STXBP5L: variants seen among roughly 807,000 people sequenced by gnomAD.
STXBP5L encodes syntaxin-binding protein 5-like.
In STXBP5L, 65 loss-of-function variants were observed where a neutral mutation model predicts 144.5. That is an observed-to-expected ratio of 0.45 (90% CI 0.37 to 0.55). The LOEUF is 0.55. Among genes scored for constraint, STXBP5L ranks in the 20% least tolerant of loss-of-function variants. The pLI is 0.00. For synonymous variants in STXBP5L, 505 were observed against 469.6 expected (o/e 1.08, Z -0.97); for missense variants, 1,298 against 1,405.5 (o/e 0.92, Z 1.22).
chr3:121,191,347 G>A (rs1017152565), intron 9 of STXBP5L, among the ~76,000 whole-genome samples: 12 of 152,300 alleles, frequency 7.9e-5, no homozygotes, highest in South Asian at 2.1e-4. Flanking sequence ...AGACCAGCCC[G>A]GCCAACACGG....
rs895606035 is a variant in STXBP5L at position 121,421,422 on chromosome 3, C to T, written c.*2325C>T. ...TGTATTGTAGGATGTTAGCAACATC[C>T]CTGGCCTCTGTCTACTAGATGCCAG... On this transcript the variant is annotated 3_prime_UTR_variant, in exon 27 of 27. Transcript: ENST00000471454. 2.6e-5 allele frequency: 4 copies of T among 151,952 alleles called. No homozygotes were observed. The highest frequency in any genetic ancestry group is 1.3e-4 in the Admixed American group (2 of 15,236). The allele number at this position is 151,952 out of a possible 1,614,324, so 9.4% of individuals were successfully genotyped here. A position where few individuals can be genotyped will look rare whatever the true frequency, so the allele number is the denominator to read the frequency against.
intron 9 of STXBP5L, among the ~76,000 whole-genome samples, chr3:121,190,074 A>T (rs2047578010): frequency 1.3e-5 from 2 of 151,088 alleles, no homozygotes; most frequent in African/African-American, 4.9e-5. Context: ...TTTTTTTAGT[A>T]TTTATTGATC....
intron 7 of STXBP5L, among the ~76,000 whole-genome samples, chr3:121,130,996 G>A (rs1415582121): frequency 2.6e-5 from 4 of 151,856 alleles, no homozygotes; most frequent in Admixed American, 6.6e-5. Flanking sequence ...CTAGAAAAAC[G>A]ATTAAGAAAA....
chr3:121,122,154 A>G (rs1213996844), intron 7 of STXBP5L, among the ~76,000 whole-genome samples: 2 of 150,946 alleles, frequency 1.3e-5, no homozygotes, highest in South Asian at 2.1e-4. Flanking sequence ...ATTCACTTTG[A>G]TTATTTCATA....
At chr3:121,284,713 G>A (rs2051172782) in intron 19 of STXBP5L, among the ~76,000 whole-genome samples, 1 of 152,058 alleles carries the variant, frequency 6.6e-6, no homozygotes. Context: ...CTAGGTAACA[G>A]GTTCACCAGA....
chr3:120,926,851 T>C (rs577152641), intron 2 of STXBP5L, among the ~76,000 whole-genome samples: 3 of 152,274 alleles, frequency 2.0e-5, no homozygotes, highest in African/African-American at 7.2e-5. Flanking sequence ...TCAGCAAATA[T>C]ATTTCTCAGT....
intron 20 of STXBP5L, among the ~76,000 whole-genome samples, chr3:121,349,915 T>G (rs1406014351): frequency 6.6e-6 from 1 of 152,166 alleles, no homozygotes; most frequent in Non-Finnish European, 1.5e-5. Flanking sequence ...TTTATCCAAT[T>G]TGCCAGTCTG....
chr3:121,073,683 C>T (rs1044705032), intron 5 of STXBP5L, among the ~76,000 whole-genome samples: 2 of 152,200 alleles, frequency 1.3e-5, no homozygotes, highest in South Asian at 4.1e-4. Flanking sequence ...ATGTCCTGCT[C>T]TTTTTCCCAC....
intron 19 of STXBP5L, among the ~76,000 whole-genome samples, chr3:121,291,514 CA>C (rs1292256559): frequency 6.6e-6 from 1 of 152,040 alleles, no homozygotes; most frequent in Non-Finnish European, 1.5e-5. Context: ...GAATTTCCAT[CA>C]AAATACCATC....
intron 3 of STXBP5L, among the ~76,000 whole-genome samples, chr3:120,956,045 A>T (rs1429343120): frequency 6.6e-6 from 1 of 151,810 alleles, no homozygotes; most frequent in Non-Finnish European, 1.5e-5. Flanking sequence ...ACCTATTCAA[A>T]GAAATTTGAC....
At position 121,206,013 on chromosome 3, in the gene STXBP5L, T is replaced by C; in HGVS notation, c.956+12T>C. ...ACCTGCAAAAACAGGTATGCATTTT[T>C]ACTTTAGGGAAAGAGGGATACGAAG... On this transcript the variant is annotated intron_variant, in intron 10 of 26. Coordinates refer to ENST00000471454, the MANE Select transcript of STXBP5L (RefSeq NM_001308330.2). 6.8e-7 allele frequency: 1 copy of C among 1,463,754 alleles called. No homozygotes were observed. Among genetic ancestry groups the C allele is most frequent in the South Asian group, 1.5e-5 (1 of 67,698 alleles). The allele number at this position is 1,463,754 out of a possible 1,614,324, so 90.7% of individuals were successfully genotyped here. A position where few individuals can be genotyped will look rare whatever the true frequency, so the allele number is the denominator to read the frequency against.
intron 2 of STXBP5L, among the ~76,000 whole-genome samples, chr3:120,952,294 A>G (rs983580669): frequency 1.3e-5 from 2 of 152,098 alleles, no homozygotes; most frequent in Admixed American, 1.3e-4. Context: ...TGCCACATTA[A>G]TGTTTAATCT....
chr3:121,326,476 A>C (rs1349664821), intron 20 of STXBP5L, among the ~76,000 whole-genome samples: 1 of 152,120 alleles, frequency 6.6e-6, no homozygotes, highest in African/African-American at 2.4e-5. Flanking sequence ...CTAATTAATC[A>C]GTAAATAGAT....
chr3:121,046,906 T>C (rs1471985572), intron 5 of STXBP5L, among the ~76,000 whole-genome samples: 2 of 152,078 alleles, frequency 1.3e-5, no homozygotes. Flanking sequence ...GCTTTGGGTT[T>C]GTTTTGTATT....
chr3:121,046,282 T>C (rs745999590), intron 5 of STXBP5L, among the ~76,000 whole-genome samples: 5 of 152,196 alleles, frequency 3.3e-5, no homozygotes, highest in Admixed American at 6.6e-5. Context: ...TTGTTGAGAA[T>C]TTTTACATCT....
intron 19 of STXBP5L, among the ~76,000 whole-genome samples, chr3:121,307,810 A>G (rs1259682975): frequency 1.3e-5 from 2 of 152,198 alleles, no homozygotes; most frequent in East Asian, 3.8e-4. Flanking sequence ...AACATTAATT[A>G]CACATCCAAG....
chr3:121,010,923 A>T (rs1944727594), intron 3 of STXBP5L, among the ~76,000 whole-genome samples: 1 of 151,628 alleles, frequency 6.6e-6, no homozygotes, highest in Admixed American at 6.6e-5. Flanking sequence ...CAAATAAAAA[A>T]TTCATGTTTA....
chr3:121,130,341 T>A (rs1437345914), intron 7 of STXBP5L, among the ~76,000 whole-genome samples: 1 of 152,078 alleles, frequency 6.6e-6, no homozygotes, highest in Admixed American at 6.6e-5. Flanking sequence ...GTGCTGTCCA[T>A]CATGAGTTAC....
At chr3:121,083,086 C>A (rs1362023155) in intron 5 of STXBP5L, among the ~76,000 whole-genome samples, 2 of 151,986 alleles carry the variant, frequency 1.3e-5, no homozygotes. Context: ...GTAGTCCCAG[C>A]TACTCAGGAG....
Sources: gnomAD v4.1 joint callset for allele counts (sites outside exome capture counted in the v4.1 genomes callset) on GRCh38, gnomAD v4.1.1 for gene constraint, MANE v1.5 for transcripts, NCBI Gene and HGNC (gene_info 2026-07-23, HGNC 2026-07-21) for gene names.